The following OPRD1 variants were observed in gnomAD, a reference collection of about 807,000 sequenced individuals.
OPRD1 encodes delta-type opioid receptor.
Under a neutral mutation model 17.5 loss-of-function variants are expected in OPRD1, and 19 were observed. That is an observed-to-expected ratio of 1.09 (90% CI 0.76 to 1.60). OPRD1 has a LOEUF of 1.60. Among genes scored for constraint, OPRD1 ranks in the 40% most tolerant of loss-of-function variants. The pLI is 0.00. For missense variants in OPRD1, 483 were observed against 547.2 expected, an observed-to-expected ratio of 0.88 and a Z score of 1.17; for synonymous variants, 256 against 240.9, an observed-to-expected ratio of 1.06 and a Z score of -0.58.
At chr1:28,859,327 C>A in intron 2 of OPRD1, 24 bp downstream of exon 2, 1 of 1,588,348 alleles carries the variant, frequency 6.3e-7, no homozygotes, top group Admixed American at 1.7e-5. Context: ...TGCACCATGG[C>A]ACAGGCCACT....
At chr1:28,839,632 T>TA (rs1416481705) in intron 1 of OPRD1, among the ~76,000 whole-genome samples, 5 of 152,184 alleles carry the variant, frequency 3.3e-5, no homozygotes, top group African/African-American at 1.2e-4. Flanking sequence ...CTGTTGTTGT[T>TA]ACTGTTTTTG....
intron 1 of OPRD1, among the ~76,000 whole-genome samples, chr1:28,848,404 C>G (rs2088971063): frequency 6.6e-6 from 1 of 152,166 alleles, no homozygotes; most frequent in African/African-American, 2.4e-5. Context: ...TCCACACTCC[C>G]CAGCCTGTCA....
intron 2 of OPRD1, 76 bp from the exon 3 acceptor site, chr1:28,862,666 G>T: frequency 7.1e-7 from 1 of 1,401,458 alleles, no homozygotes. Context: ...CCTTGAAAGG[G>T]TGGGCAAGCA....
At chr1:28,830,610 G>A (rs80304883) in intron 1 of OPRD1, among the ~76,000 whole-genome samples, 1,890 of 152,264 alleles carry the variant, frequency 0.012, 25 homozygotes, top group Non-Finnish European at 0.02. Flanking sequence ...AATATTGCAA[G>A]AATTACCAAA....
At chr1:28,819,036 T>G (rs1232526823) in intron 1 of OPRD1, among the ~76,000 whole-genome samples, 6 of 125,404 alleles carry the variant, frequency 4.8e-5, no homozygotes, top group Non-Finnish European at 3.3e-5. Flanking sequence ...GGGTGAGGGG[T>G]GGATTGGATG....
At chr1:28,850,828 T>TAAA (rs1384886561) in intron 1 of OPRD1, among the ~76,000 whole-genome samples, 1 of 123,784 alleles carries the variant, frequency 8.1e-6, no homozygotes, top group Non-Finnish European at 1.7e-5. Context: ...ATAATAATAA[T>TAAA]AATAAAAGGT....
At chr1:28,853,786 G>A (rs938526119) in intron 1 of OPRD1, among the ~76,000 whole-genome samples, 4 of 147,734 alleles carry the variant, frequency 2.7e-5, no homozygotes, top group Non-Finnish European at 5.9e-5. Context: ...TCACCTAGTC[G>A]CCCAGGCTGG....
At chr1:28,834,494 C>T (rs2088833804) in intron 1 of OPRD1, among the ~76,000 whole-genome samples, 1 of 151,618 alleles carries the variant, frequency 6.6e-6, no homozygotes, top group East Asian at 1.9e-4. Context: ...GATCCTTCCA[C>T]CTCAGCCTCC....
chr1:28,846,774 G>A (rs186099314), intron 1 of OPRD1, among the ~76,000 whole-genome samples: 19 of 151,276 alleles, frequency 1.3e-4, no homozygotes, highest in African/African-American at 4.6e-4. Context: ...CATCCCAAAG[G>A]CCCCATTGTA....
rs1475092800 is a variant in OPRD1, at chr1:28,858,934, C to T, written c.228-20C>T. On this transcript the variant is annotated intron_variant, in intron 1 of 2. Coordinates refer to ENST00000234961, the MANE Select transcript of OPRD1 (RefSeq NM_000911.4). Reference sequence around the variant, plus strand: ...GAAATCTGTGAAATGGGATTAATTACACATGCATTTCTTTCTAAGGTACAC... The same window carrying T: ...GAAATCTGTGAAATGGGATTAATTATACATGCATTTCTTTCTAAGGTACAC... The T allele has an allele frequency of 6.3e-7, 1 of 1,586,738 alleles. No homozygotes were observed. Among genetic ancestry groups the T allele is most frequent in the South Asian group, 1.1e-5 (1 of 90,546 alleles).
At chr1:28,828,859 G>A (rs1290812482) in intron 1 of OPRD1, among the ~76,000 whole-genome samples, 3 of 151,784 alleles carry the variant, frequency 2.0e-5, no homozygotes, top group Non-Finnish European at 2.9e-5. Flanking sequence ...GTGTGATGAT[G>A]TGCACCTGTA....
rs2089149131 is a variant in OPRD1 at position 28,863,911 on chromosome 1, T to A, written c.*628T>A. On this transcript the variant is annotated 3_prime_UTR_variant, in exon 3 of 3. Coordinates refer to ENST00000234961, the MANE Select transcript of OPRD1 (RefSeq NM_000911.4). ...TACGGGATACAGTCCCAGCCCTGAG[T>A]TCTAGCAAGGGGCAAGGCTCGCTGA... 6.6e-6 allele frequency: 1 copy of A among 152,200 alleles called. No homozygotes were observed. The highest frequency in any genetic ancestry group is 1.5e-5 in the Non-Finnish European group (1 of 68,128). The allele number at this position is 152,200 out of a possible 1,614,324, so 9.4% of individuals were successfully genotyped here.
chr1:28,862,616 T>G (rs2089133146), intron 2 of OPRD1, 126 bp from the exon 3 acceptor site: 1 of 858,910 alleles, frequency 1.2e-6, no homozygotes, highest in South Asian at 1.8e-5. Flanking sequence ...AAGAATCCCC[T>G]TGAACAAAGG....
At chr1:28,855,536 C>T (rs1369185957) in intron 1 of OPRD1, among the ~76,000 whole-genome samples, 1 of 149,540 alleles carries the variant, frequency 6.7e-6, no homozygotes, top group African/African-American at 2.5e-5. Context: ...AAGGACGGGG[C>T]GTGGCTGTGG....
At chr1:28,831,466 G>A (rs1020658556) in intron 1 of OPRD1, among the ~76,000 whole-genome samples, 3 of 150,390 alleles carry the variant, frequency 2.0e-5, no homozygotes, top group Non-Finnish European at 4.4e-5. Flanking sequence ...CTGAGATCGT[G>A]CCACTGCACT....
At chr1:28,852,999 C>T (rs575774561) in intron 1 of OPRD1, among the ~76,000 whole-genome samples, 40 of 152,230 alleles carry the variant, frequency 2.6e-4, no homozygotes, top group Admixed American at 1.1e-3. Flanking sequence ...GGATTACAGA[C>T]GTGAGCCACC....
chr1:28,848,833 A>G (rs946092052), intron 1 of OPRD1, among the ~76,000 whole-genome samples: 1 of 152,098 alleles, frequency 6.6e-6, no homozygotes, highest in Non-Finnish European at 1.5e-5. Flanking sequence ...TCTCTAAGAG[A>G]TGTCAATACA....
intron 1 of OPRD1, among the ~76,000 whole-genome samples, chr1:28,847,602 G>C (rs1324594903): frequency 6.6e-6 from 1 of 152,194 alleles, no homozygotes; most frequent in Non-Finnish European, 1.5e-5. Flanking sequence ...GGGAGACTGA[G>C]GTGGGTGGAT....
chr1:28,859,167 C>T lies in OPRD1; in HGVS notation c.441C>T (p.Tyr147=), dbSNP rs780444229. 6.2e-7 allele frequency: 1 copy of T among 1,614,282 alleles called. No individual in the cohort carries two copies. Among genetic ancestry groups the T allele is most frequent in the Non-Finnish European group, 8.5e-7 (1 of 1,180,042 alleles). ...TCACCATGATGAGTGTTGACCGCTA[C>T]ATCGCTGTCTGCCACCCTGTCAAGG... ...FTLTMMSVDR[Y]IAVCHPVKAL... Residue 147 remains tyrosine (Y), a synonymous_variant, in exon 2 of 3, where the codon TAC becomes TAT. Coordinates refer to ENST00000234961, the MANE Select transcript of OPRD1 (RefSeq NM_000911.4).
Sources: gnomAD v4.1 joint callset for allele counts (sites outside exome capture counted in the v4.1 genomes callset) on GRCh38, gnomAD v4.1.1 for gene constraint, MANE v1.5 for transcripts, NCBI Gene and HGNC (gene_info 2026-07-23, HGNC 2026-07-21) for gene names.